The following SLC22A15 variants were observed in gnomAD, a reference collection of about 807,000 sequenced individuals.
SLC22A15 encodes solute carrier family 22 member 15.
A neutral mutation model predicts 62.7 loss-of-function variants in SLC22A15; 45 were observed. That is an observed-to-expected ratio of 0.72 (90% CI 0.56 to 0.92). The LOEUF (loss-of-function observed/expected upper bound fraction) is 0.92, where lower values mean the gene tolerates loss of function less well. SLC22A15 is among the 40% of genes least tolerant of loss of function. SLC22A15 has a pLI of 0.00. For missense variants in SLC22A15, 622 were observed against 665.6 expected (o/e 0.93, Z 0.72); for synonymous variants, 264 against 267.0 (o/e 0.99, Z 0.11).
intron 1 of SLC22A15, among the ~76,000 whole-genome samples, chr1:115,978,025 A>G (rs1169471276): frequency 6.6e-6 from 1 of 152,184 alleles, no homozygotes; most frequent in Non-Finnish European, 1.5e-5. Context: ...AGCTTTCCCC[A>G]GGGAGAAAAA....
chr1:115,981,858 A>G (rs1654627851), intron 1 of SLC22A15, among the ~76,000 whole-genome samples: 1 of 152,242 alleles, frequency 6.6e-6, no homozygotes, highest in African/African-American at 2.4e-5. Context: ...AATAGTCATT[A>G]AAGTCACGAG....
intron 8 of SLC22A15, among the ~76,000 whole-genome samples, chr1:116,058,684 C>G (rs1458609086): frequency 6.6e-6 from 1 of 152,196 alleles, no homozygotes; most frequent in African/African-American, 2.4e-5. Context: ...TATAGCAGCA[C>G]AAATCCCAAT....
At chr1:116,060,062 C>T (rs1658339375) in intron 8 of SLC22A15, among the ~76,000 whole-genome samples, 1 of 152,310 alleles carries the variant, frequency 6.6e-6, no homozygotes, top group South Asian at 2.1e-4. Context: ...TCATTGGTAA[C>T]AGCCAATAAT....
chr1:116,039,449 C>T (rs1339991149), intron 8 of SLC22A15, among the ~76,000 whole-genome samples: 1 of 152,084 alleles, frequency 6.6e-6, no homozygotes, highest in Non-Finnish European at 1.5e-5. Context: ...AGGAGAATTG[C>T]TTGAACCCAG....
intron 2 of SLC22A15, among the ~76,000 whole-genome samples, chr1:115,995,652 G>T (rs1655385313): frequency 6.6e-6 from 1 of 152,112 alleles, no homozygotes; most frequent in South Asian, 2.1e-4. Context: ...CTGTCTGTCT[G>T]TCTCTGTCTG....
intron 8 of SLC22A15, among the ~76,000 whole-genome samples, chr1:116,056,539 C>G (rs375862585): frequency 0.036 from 5,368 of 150,518 alleles, 110 homozygotes; most frequent in Middle Eastern, 0.058. Flanking sequence ...TTTCTTCACA[C>G]AATTGGAAAA....
At chr1:116,017,026 C>G (rs562038251) in intron 2 of SLC22A15, among the ~76,000 whole-genome samples, 33 of 152,310 alleles carry the variant, frequency 2.2e-4, no homozygotes, top group African/African-American at 7.9e-4. Flanking sequence ...CTCTCAGCTC[C>G]TTACTGTGGC....
intron 2 of SLC22A15, among the ~76,000 whole-genome samples, chr1:116,011,148 G>C (rs1192563843): frequency 6.6e-6 from 1 of 152,322 alleles, no homozygotes; most frequent in Non-Finnish European, 1.5e-5. Flanking sequence ...AGGTACTACT[G>C]TCTAAACTGC....
chr1:116,027,353 G>A, intron 5 of SLC22A15: 1 of 527,102 alleles, frequency 1.9e-6, no homozygotes, highest in Non-Finnish European at 3.8e-6. Context: ...TGTGCTAGGT[G>A]TGTGACTGAG....
At chr1:116,052,740 G>A (rs962504496) in intron 8 of SLC22A15, among the ~76,000 whole-genome samples, 17 of 152,276 alleles carry the variant, frequency 1.1e-4, no homozygotes, top group African/African-American at 3.4e-4. Context: ...AGCAGCATTC[G>A]CGGTTCACGA....
intron 5 of SLC22A15, among the ~76,000 whole-genome samples, chr1:116,027,703 G>A (rs557526179): frequency 2.0e-5 from 3 of 151,210 alleles, no homozygotes; most frequent in South Asian, 2.1e-4. Context: ...TCGGCTCACC[G>A]CAACCTCTGC....
intron 2 of SLC22A15, among the ~76,000 whole-genome samples, chr1:116,003,356 G>A (rs1655828214): frequency 6.6e-6 from 1 of 152,148 alleles, no homozygotes; most frequent in South Asian, 2.1e-4. Context: ...TGGATCATGT[G>A]CATCCCAAGT....
At chr1:115,985,358 A>T (rs986195624) in intron 1 of SLC22A15, among the ~76,000 whole-genome samples, 3 of 152,142 alleles carry the variant, frequency 2.0e-5, no homozygotes, top group Non-Finnish European at 4.4e-5. Flanking sequence ...GAGGTTATAG[A>T]TCTAGGTTTG....
intron 8 of SLC22A15, among the ~76,000 whole-genome samples, chr1:116,050,359 A>T (rs946619510): frequency 6.6e-6 from 1 of 152,246 alleles, no homozygotes; most frequent in African/African-American, 2.4e-5. Flanking sequence ...AATACTAGCT[A>T]ACCAAATCCA....
intron 2 of SLC22A15, among the ~76,000 whole-genome samples, chr1:116,014,315 A>T (rs1263388259): frequency 6.6e-6 from 1 of 152,156 alleles, no homozygotes; most frequent in African/African-American, 2.4e-5. Context: ...TTCTGCCCCC[A>T]GTTGTGCCTG....
At chr1:116,035,655 G>C (rs1475353944) in intron 7 of SLC22A15, among the ~76,000 whole-genome samples, 1 of 152,158 alleles carries the variant, frequency 6.6e-6, no homozygotes, top group Admixed American at 6.5e-5. Context: ...GAGATTATTA[G>C]TTCTGTGTAG....
rs1033924117 is a variant in SLC22A15, at chr1:116,019,644, T to G, written c.363T>G (p.Gly121=). ...VSAASSFFFS[G]VFVGVISFGQ... is the part of the protein sequence containing the mutation. ...CAGCAAGCTCTTTTTTCTTCAGTGGTGTATTTGTTGGAGTTATCTCTTTTG... is the reference window on the plus strand; with the variant it reads ...CAGCAAGCTCTTTTTTCTTCAGTGGGGTATTTGTTGGAGTTATCTCTTTTG... Residue 121 remains glycine (G), a synonymous_variant, in exon 3 of 12, where the codon GGT becomes GGG. Transcript: ENST00000369503. 1.2e-6 allele frequency: 2 copies of G among 1,613,544 alleles called. No homozygotes were observed. The highest frequency in any genetic ancestry group is 3.3e-5 in the Admixed American group (2 of 59,958).
chr1:115,993,915 G>A (rs1655287500), intron 2 of SLC22A15, among the ~76,000 whole-genome samples: 1 of 152,074 alleles, frequency 6.6e-6, no homozygotes, highest in Non-Finnish European at 1.5e-5. Context: ...ATTATTGTCA[G>A]GAAAGCCCTC....
intron 3 of SLC22A15, 88 bp downstream of exon 3, chr1:116,019,802 G>A: frequency 7.2e-7 from 1 of 1,385,020 alleles, no homozygotes; most frequent in Non-Finnish European, 9.7e-7. Flanking sequence ...ATTTCCTTAA[G>A]GTTCTCCGGG....
Sources: allele counts gnomAD v4.1 joint callset (sites outside exome capture counted in the v4.1 genomes callset), GRCh38; gene constraint gnomAD v4.1.1; transcripts MANE v1.5; gene names NCBI Gene and HGNC (gene_info 2026-07-23, HGNC 2026-07-21).